ZNF280C: variants seen among roughly 807,000 people sequenced by gnomAD.
ZNF280C encodes the protein zinc finger protein 280C.
In ZNF280C, 14 loss-of-function variants were observed where a neutral mutation model predicts 53.6. The ratio of observed to expected loss-of-function variants is 0.26; its 90% confidence interval spans 0.17 to 0.41. The LOEUF (loss-of-function observed/expected upper bound fraction) is 0.41, where lower values mean the gene tolerates loss of function less well. ZNF280C is among the 10% of genes least tolerant of loss of function. The probability of loss-of-function intolerance (pLI) is 1.00; values close to 1 mark genes in which losing one functional copy is unlikely to be tolerated. For missense variants in ZNF280C, 416 were observed against 547.1 expected, an observed-to-expected ratio of 0.76 and a Z score of 2.39; for synonymous variants, 203 against 181.1, an observed-to-expected ratio of 1.12 and a Z score of -0.97.
intron 8 of ZNF280C, among the ~76,000 whole-genome samples, chrX:130,231,898 G>A (rs943150719): frequency 4.6e-5 from 5 of 107,885 alleles, no homozygotes; most frequent in East Asian, 5.8e-4. Flanking sequence ...GTGGTGGCAC[G>A]TGTCTGTAGT....
rs774165939 is a variant in ZNF280C at position 130,203,142 on chromosome X, A to C, written c.*1835T>G. The C allele has an allele frequency of 1.8e-5, 2 of 111,742 alleles. No individual in the cohort carries two copies. Among genetic ancestry groups the C allele is most frequent in the African/African-American group, 3.2e-5 (1 of 30,777 alleles). The allele number at this position is 111,742 out of a possible 1,213,427, so 9.2% of individuals were successfully genotyped here. ...TGAAATTAAGAAGCTACCAATAAGT[A>C]GCTACACGAAATCTGTAGACAATTC... On this transcript the variant is annotated 3_prime_UTR_variant, in exon 19 of 19. Coordinates refer to ENST00000370978, the MANE Select transcript of ZNF280C (RefSeq NM_017666.5).
chrX:130,245,784 CT>C (rs72420800), intron 3 of ZNF280C, among the ~76,000 whole-genome samples: 1,083 of 103,413 alleles, frequency 0.01, 5 homozygotes, highest in Admixed American at 0.029. Context: ...TATTTGAGGA[CT>C]TTTTTTTTTT....
chrX:130,226,610 C>T, intron 12 of ZNF280C, 149 bp downstream of exon 12: 1 of 455,637 alleles, frequency 2.2e-6, no homozygotes, highest in South Asian at 1.0e-4. Flanking sequence ...TTAATTGTGT[C>T]ATTCAGAACA....
intron 12 of ZNF280C, among the ~76,000 whole-genome samples, chrX:130,224,098 G>A (rs946101912): frequency 2.7e-5 from 3 of 111,757 alleles, no homozygotes; most frequent in African/African-American, 9.8e-5. Flanking sequence ...TTCATATGGC[G>A]AAATCCTAAT....
intron 16 of ZNF280C, 63 bp downstream of exon 16, chrX:130,209,590 A>C: frequency 2.9e-6 from 3 of 1,033,830 alleles, no homozygotes; most frequent in Non-Finnish European, 4.1e-6. Flanking sequence ...GCACTCCAAC[A>C]TCAAGTTTTA....
At chrX:130,238,667 T>C (rs779536119) in intron 6 of ZNF280C, among the ~76,000 whole-genome samples, 76 of 111,544 alleles carry the variant, frequency 6.8e-4, no homozygotes, top group African/African-American at 2.4e-3. Context: ...ACAACTGTTT[T>C]ATCTCCCTGT....
chrX:130,252,246 C>T (rs936758592), intron 2 of ZNF280C, among the ~76,000 whole-genome samples: 1 of 112,399 alleles, frequency 8.9e-6, no homozygotes, highest in African/African-American at 3.2e-5. Context: ...AGCAGCACAT[C>T]AAAAAGCTTA....
Position 130,236,238 on chromosome X carries a change from C to G in ZNF280C, c.747G>C (p.Leu249Phe). ...CPKCNVQFNL[L>F]DPLKYHMKHC... ...CCTTCATGTGGTATTTCAAAGGATC[C>G]AAAAGATTGAACTGAACATTGCACT... The change falls in exon 8 of 19, where the codon TTG becomes TTC. Residue 249 changes from leucine (L) to phenylalanine (F), a missense_variant. Physicochemically the swap from Leu to Phe is conservative, Grantham distance 22. This residue lies in a region of ZNF280C where 193 missense variants were observed against 201.4 expected (regional missense o/e 0.96). Coordinates refer to ENST00000370978, the MANE Select transcript of ZNF280C (RefSeq NM_017666.5). 1 of 1,200,010 alleles carries G rather than the reference C, an allele frequency of 8.3e-7. No homozygotes were observed. Among genetic ancestry groups the G allele is most frequent in the South Asian group, 1.8e-5 (1 of 54,103 alleles).
chrX:130,228,718 A>G (rs2032248232), intron 10 of ZNF280C, among the ~76,000 whole-genome samples: 1 of 96,042 alleles, frequency 1.0e-5, no homozygotes, highest in Admixed American at 1.3e-4. Flanking sequence ...ATAGCATTCT[A>G]TAGTACTGAA....
At chrX:130,247,971 C>T (rs372056629) in intron 2 of ZNF280C, among the ~76,000 whole-genome samples, 2 of 108,037 alleles carry the variant, frequency 1.9e-5, no homozygotes, top group East Asian at 5.8e-4. Flanking sequence ...CAAATCAGAT[C>T]TCCTGGGAAG....
At chrX:130,262,470 A>T (rs752180276) in intron 1 of ZNF280C, among the ~76,000 whole-genome samples, 2 of 112,503 alleles carry the variant, frequency 1.8e-5, no homozygotes, top group South Asian at 3.7e-4. Context: ...GAAGGATTGC[A>T]GCCTTCTAAA....
At position 130,243,824 on chromosome X, in the gene ZNF280C, T is replaced by G. The variant is rs1422042703; in HGVS notation, c.220A>C (p.Ile74Leu). 2.5e-6 allele frequency: 3 copies of G among 1,186,338 alleles called. No individual in the cohort carries two copies. Among genetic ancestry groups the G allele is most frequent in the Non-Finnish European group, 3.4e-6 (3 of 882,068 alleles). The change falls in exon 4 of 19, where the codon ATA becomes CTA. Residue 74 changes from isoleucine (I) to leucine (L), a missense_variant. By Grantham distance (5) the Ile-to-Leu change is conservative. Coordinates refer to ENST00000370978, the MANE Select transcript of ZNF280C (RefSeq NM_017666.5). ...RGHSSSSSKGIKSEPHSPGIP... is the reference protein window; with the variant it reads ...RGHSSSSSKGLKSEPHSPGIP... ...CCTGGACTGTGTGGCTCACTCTTTA[T>G]TCCTTTTGAAGATGAGCTGGAGTGG...
intron 2 of ZNF280C, among the ~76,000 whole-genome samples, chrX:130,258,537 G>T (rs2032598507): frequency 8.9e-6 from 1 of 111,960 alleles, no homozygotes; most frequent in South Asian, 3.7e-4. Context: ...ACCAAACAAA[G>T]AAACCCCCAA....
intron 12 of ZNF280C, among the ~76,000 whole-genome samples, chrX:130,225,508 C>A (rs1043702230): frequency 9.0e-6 from 1 of 111,157 alleles, no homozygotes; most frequent in Non-Finnish European, 1.9e-5. Flanking sequence ...AAACAAAAAA[C>A]ACCTCTATGA....
Position 130,241,405 on chromosome X carries a change from G to A in ZNF280C, c.382-1712C>T, listed in dbSNP as rs181352918. Among the ~76,000 whole-genome samples, 159 of 112,331 alleles carry A rather than the reference G, an allele frequency of 1.4e-3. 1 individual carries two copies. Among genetic ancestry groups the A allele is most frequent in the South Asian group, 5.2e-3 (14 of 2,701 alleles). On this transcript the variant is annotated intron_variant, in intron 5 of 18. Transcript: ENST00000370978. ...GTTTTAATCCCACAGATCCCTGAAA[G>A]AGACTTAGGGAACCGTAAGGGTACA...
At chrX:130,256,631 G>A (rs746542687) in intron 2 of ZNF280C, among the ~76,000 whole-genome samples, 10 of 110,492 alleles carry the variant, frequency 9.1e-5, no homozygotes, top group East Asian at 2.9e-4. Flanking sequence ...GGTAGCTCAC[G>A]ACCTTAATCC....
In ZNF280C at chrX:130,260,439, T is replaced by C; in HGVS notation, c.11A>G (p.Asp4Gly). ...CTTACTTTTTGGTTGAAAAGGTTTG[T>C]CGTCATCCATGAAGTTGCAAGGTCA... is the stretch of plus-strand genomic sequence containing the variant. The part of the protein sequence containing the change: MDD[D>G]KPFQPKNISK... The change falls in exon 2 of 19, where the codon GAC becomes GGC. Residue 4 changes from aspartate (D) to glycine (G), a missense_variant. Asp to Gly is a moderately conservative substitution (Grantham distance 94). This residue lies in a region of ZNF280C where 193 missense variants were observed against 201.4 expected (regional missense o/e 0.96). Transcript: ENST00000370978. The C allele has an allele frequency of 1.7e-6, 2 of 1,199,115 alleles. No individual in the cohort carries two copies. Among genetic ancestry groups the C allele is most frequent in the Non-Finnish European group, 2.3e-6 (2 of 888,701 alleles).
chrX:130,233,983 A>T (rs777935488), intron 8 of ZNF280C, among the ~76,000 whole-genome samples: 60 of 107,516 alleles, frequency 5.6e-4, no homozygotes, highest in African/African-American at 9.1e-4. Context: ...GACTTTTTTT[A>T]AAAAAAAAAG....
chrX:130,236,329 A>C lies in ZNF280C; in HGVS notation c.665-9T>G, dbSNP rs1472813604. On this transcript the variant is annotated splice_polypyrimidine_tract_variant and intron_variant, in intron 7 of 18. Transcript: ENST00000370978. ...AGATGAGGTATTTGTACCTACAATA[A>C]ATTAAGAACTTTTAAGACTCAAATC... 1.7e-6 allele frequency: 2 copies of C among 1,174,751 alleles called. No homozygotes were observed. The highest frequency in any genetic ancestry group is 3.5e-5 in the African/African-American group (2 of 56,419).
Sources: allele counts gnomAD v4.1 joint callset (sites outside exome capture counted in the v4.1 genomes callset), GRCh38; gene constraint gnomAD v4.1.1; regional missense constraint gnomAD v4.1.1; transcripts MANE v1.5; gene names NCBI Gene and HGNC (gene_info 2026-07-23, HGNC 2026-07-21).